ASB2: variants seen among roughly 807,000 people sequenced by gnomAD.
The protein encoded by ASB2 is ankyrin repeat and SOCS box containing 2.
ASB2 carries 58 observed loss-of-function variants against 62.4 expected under a neutral mutation model. That is an observed-to-expected ratio of 0.93 (90% CI 0.75 to 1.16). ASB2 has a LOEUF of 1.16. Among genes scored for constraint, ASB2 ranks in the 50% most tolerant of loss-of-function variants. The pLI, the probability that ASB2 is intolerant of heterozygous loss-of-function variation, is 0.00. For missense variants in ASB2, 928 were observed against 887.9 expected (o/e 1.05, Z -0.57); for synonymous variants, 386 against 385.3 (o/e 1.00, Z -0.02).
At chr14:93,971,968 A>G (rs1214716567) in intron 1 of ASB2, among the ~76,000 whole-genome samples, 1 of 149,370 alleles carries the variant, frequency 6.7e-6, no homozygotes, top group Non-Finnish European at 1.5e-5. Context: ...TATATATATT[A>G]TATAATATAC....
intron 7 of ASB2, among the ~76,000 whole-genome samples, chr14:93,943,323 C>G (rs6575367): frequency 0.8 from 122,126 of 152,218 alleles, 49,332 homozygotes; most frequent in Middle Eastern, 0.92. Flanking sequence ...GGTCACTGTG[C>G]TTTGACCCTT....
At chr14:93,956,235 C>T (rs552856403) in intron 3 of ASB2, among the ~76,000 whole-genome samples, 2 of 152,168 alleles carry the variant, frequency 1.3e-5, no homozygotes, top group East Asian at 1.9e-4. Context: ...GCCCCTGCAG[C>T]TTAGATTATT....
chr14:93,949,025 C>G (rs746478754), intron 6 of ASB2, among the ~76,000 whole-genome samples: 18 of 152,218 alleles, frequency 1.2e-4, no homozygotes, highest in Non-Finnish European at 2.5e-4. Context: ...CTGCCTTCAG[C>G]TCAGTCTTCT....
intron 7 of ASB2, among the ~76,000 whole-genome samples, chr14:93,946,448 G>C (rs1263126226): frequency 6.6e-6 from 1 of 152,216 alleles, no homozygotes; most frequent in Non-Finnish European, 1.5e-5. Flanking sequence ...CAGAGAAGGG[G>C]GAAAGGACTC....
At chr14:93,968,995 C>G (rs987531990) in intron 1 of ASB2, among the ~76,000 whole-genome samples, 1 of 152,228 alleles carries the variant, frequency 6.6e-6, no homozygotes, top group Non-Finnish European at 1.5e-5. Context: ...CCACATATCT[C>G]TTGCTTTTCC....
At chr14:93,947,213 G>T in intron 7 of ASB2, 136 bp downstream of exon 7, 1 of 870,638 alleles carries the variant, frequency 1.1e-6, no homozygotes, top group Non-Finnish European at 1.8e-6. Flanking sequence ...TGGGAAAGGT[G>T]ATGTCCATTC....
chr14:93,976,124 G>A (rs1053509746), intron 1 of ASB2, among the ~76,000 whole-genome samples: 2 of 152,220 alleles, frequency 1.3e-5, no homozygotes, highest in Admixed American at 6.5e-5. Flanking sequence ...AAGACCTACA[G>A]ACCCAACAAT....
rs1405911692 is a variant in ASB2, at chr14:93,937,707, C to G, written c.1762G>C (p.Glu588Gln). The G allele has an allele frequency of 6.2e-7, 1 of 1,607,788 alleles. No individual in the cohort carries two copies. The highest frequency in any genetic ancestry group is 1.3e-5 in the African/African-American group (1 of 74,960). The stretch of plus-strand genomic sequence containing the variant: ...AGCAGCAAGTCCCTACCTGCCTTCT[C>G]CTTGATGACGGCCCAGTCCTCAAAG... ...DSFEDWAVIK[E>Q]KAEPPRPLAH... The change falls in exon 9 of 10, where the codon GAG becomes CAG. Residue 588 changes from glutamate (E) to glutamine (Q), a missense_variant. Glu to Gln is a conservative substitution (Grantham distance 29). Coordinates refer to ENST00000555019, the MANE Select transcript of ASB2 (RefSeq NM_001202429.2).
At chr14:93,957,398 T>A in intron 2 of ASB2, 1 of 1,014,856 alleles carries the variant, frequency 9.9e-7, no homozygotes, top group Non-Finnish European at 1.2e-6. Flanking sequence ...GTCCCAGGGG[T>A]AGGAGCAGAC....
chr14:93,939,897 G>T, intron 7 of ASB2: 1 of 443,694 alleles, frequency 2.3e-6, no homozygotes. Context: ...GGAAACTGAA[G>T]CTCAGAGAGC....
rs775744278 is a variant in ASB2 at position 93,964,631 on chromosome 14, C to A, written c.-73-19G>T. On this transcript the variant is annotated intron_variant, in intron 1 of 9. Transcript: ENST00000555019. ...GAAAACCCTGTGAGGAAACCAAAAC[C>A]ATCCTGGTCACGAACAGTTTTGCAG... 105 of 1,187,782 alleles carry A rather than the reference C, an allele frequency of 8.8e-5. 1 individual carries two copies. The Middle Eastern group carries it at 9.7e-4, about 11-fold the overall frequency. The allele number at this position is 1,187,782 out of a possible 1,614,324, so 73.6% of individuals were successfully genotyped here.
At chr14:93,955,444 C>T (rs548725454) in intron 3 of ASB2, 1 of 256,048 alleles carries the variant, frequency 3.9e-6, no homozygotes, top group African/African-American at 2.2e-5. Context: ...GTCCTGAGGT[C>T]CCCATCAGCA....
intron 1 of ASB2, among the ~76,000 whole-genome samples, chr14:93,972,044 A>G: frequency 6.8e-6 from 1 of 148,032 alleles, no homozygotes; most frequent in Middle Eastern, 3.6e-3. Context: ...TTAATAATAT[A>G]ATATATATTA....
intron 1 of ASB2, 71 bp from the exon 2 acceptor site, chr14:93,964,683 G>T (rs979016565): frequency 2.8e-6 from 2 of 715,976 alleles, no homozygotes; most frequent in East Asian, 2.7e-5. Context: ...CTCAGGGAAG[G>T]GTATGCATTT....
intron 1 of ASB2, among the ~76,000 whole-genome samples, chr14:93,966,669 T>C (rs1007356108): frequency 6.6e-6 from 1 of 152,226 alleles, no homozygotes; most frequent in Admixed American, 6.5e-5. Context: ...TGAAGATTCT[T>C]GTGGTTTAGC....
chr14:93,935,773 C>T (rs1888252088), intron 9 of ASB2, among the ~76,000 whole-genome samples: 1 of 120,608 alleles, frequency 8.3e-6, no homozygotes, highest in Non-Finnish European at 1.7e-5. Flanking sequence ...GTTTCTGACA[C>T]TTCCACTGCC....
intron 2 of ASB2, among the ~76,000 whole-genome samples, chr14:93,958,291 C>A (rs1889294978): frequency 6.6e-6 from 1 of 152,310 alleles, no homozygotes; most frequent in East Asian, 1.9e-4. Flanking sequence ...ATGGGGGTGC[C>A]TTTTACAGAT....
At chr14:93,955,148 C>T (rs1196234142) in intron 3 of ASB2, 2 of 456,624 alleles carry the variant, frequency 4.4e-6, no homozygotes, top group Non-Finnish European at 8.8e-6. Context: ...ATGTCTATGC[C>T]TCTCAGATCC....
chr14:93,960,531 GACCC>G lies in ASB2; in HGVS notation c.207-3665_207-3662del, dbSNP rs751094046. The stretch of plus-strand genomic sequence containing the variant: ...AATGCAGAGGTTTAAAGATTAGGAA[GACCC>G]AGCCTCCTGGACTCACTCTGGCTGG... On this transcript the variant is annotated intron_variant, in intron 2 of 9. Coordinates refer to ENST00000555019, the MANE Select transcript of ASB2 (RefSeq NM_001202429.2). Among the ~76,000 whole-genome samples the G allele has an allele frequency of 2.6e-5, 4 of 152,338 alleles. No individual in the cohort carries two copies. In the East Asian group the frequency reaches 7.7e-4, roughly 29 times the overall value.
Sources: allele counts gnomAD v4.1 joint callset (sites outside exome capture counted in the v4.1 genomes callset), GRCh38; gene constraint gnomAD v4.1.1; transcripts MANE v1.5; gene names NCBI Gene and HGNC (gene_info 2026-07-23, HGNC 2026-07-21).